The following PEBP4 variants were observed in gnomAD, a reference collection of about 807,000 sequenced individuals.
PEBP4 encodes phosphatidylethanolamine-binding protein 4.
Under a neutral mutation model 23.9 loss-of-function variants are expected in PEBP4, and 22 were observed. The observed-to-expected ratio is 0.92, with a 90% CI of 0.66 to 1.31. The LOEUF is 1.31. PEBP4 is among the 40% of genes most tolerant of loss of function. The pLI, the probability that PEBP4 is intolerant of heterozygous loss-of-function variation, is 0.00. For missense variants in PEBP4, 324 were observed against 281.7 expected (o/e 1.15, Z -1.07); for synonymous variants, 112 against 99.3 (o/e 1.13, Z -0.76).
At chr8:22,742,771 C>T (rs1485026361) in intron 4 of PEBP4, among the ~76,000 whole-genome samples, 3 of 152,132 alleles carry the variant, frequency 2.0e-5, no homozygotes, top group Non-Finnish European at 4.4e-5. Context: ...GAGAGAGTCC[C>T]CTTTTTCCAC....
rs374712837 is a variant in PEBP4 at position 22,940,796 on chromosome 8, C to T, written c.145-13076G>A. ...GAGCCACCACGGCCAGCCTTTACCA[C>T]GAATTTCTAATAGCTCCCTAGGCCA... is the stretch of plus-strand genomic sequence containing the variant. On this transcript the variant is annotated intron_variant, in intron 1 of 1. Transcript: ENST00000522278. Among the ~76,000 whole-genome samples, 257 of 152,280 alleles carry T rather than the reference C, an allele frequency of 1.7e-3. 1 individual carries two copies. Among genetic ancestry groups the T allele is most frequent in the African/African-American group, 6.0e-3 (248 of 41,562 alleles).
intron 1 of PEBP4, among the ~76,000 whole-genome samples, chr8:22,940,206 T>G (rs901020322): frequency 6.6e-6 from 1 of 152,192 alleles, no homozygotes; most frequent in African/African-American, 2.4e-5. Flanking sequence ...TCCTTCTTCC[T>G]ATATCATGGA....
At chr8:22,826,965 T>C (rs750839068) in intron 3 of PEBP4, among the ~76,000 whole-genome samples, 86 of 152,366 alleles carry the variant, frequency 5.6e-4, no homozygotes, top group Non-Finnish European at 7.2e-4. Flanking sequence ...CATCAGTCTC[T>C]AGTTCTCTTT....
At chr8:22,798,147 A>T (rs1315551105) in intron 4 of PEBP4, among the ~76,000 whole-genome samples, 1 of 152,178 alleles carries the variant, frequency 6.6e-6, no homozygotes, top group Non-Finnish European at 1.5e-5. Context: ...AAAAAAGAAC[A>T]GCACTCAGAT....
intron 4 of PEBP4, among the ~76,000 whole-genome samples, chr8:22,764,893 G>A (rs764597757): frequency 3.3e-5 from 5 of 152,102 alleles, no homozygotes; most frequent in Non-Finnish European, 2.9e-5. Flanking sequence ...TGGGCATGGA[G>A]GTTGCAATCC....
chr8:22,905,300 C>G (rs6557598), intron 3 of PEBP4, among the ~76,000 whole-genome samples: 35,153 of 150,334 alleles, frequency 0.23, 4,147 homozygotes, highest in African/African-American at 0.28. Flanking sequence ...AAAAAATAGG[C>G]TATTCATCTT....
At chr8:22,905,707 C>T (rs1245649132) in intron 3 of PEBP4, among the ~76,000 whole-genome samples, 13 of 152,192 alleles carry the variant, frequency 8.5e-5, no homozygotes, top group South Asian at 2.1e-4. Flanking sequence ...GCCAAGGAGA[C>T]GCAGGACCTG....
chr8:22,896,798 C>T (rs1452651965), intron 3 of PEBP4, among the ~76,000 whole-genome samples: 1 of 152,050 alleles, frequency 6.6e-6, no homozygotes, highest in African/African-American at 2.4e-5. Context: ...CCTTAAAATC[C>T]ACAGTTAGTG....
chr8:22,928,862 G>T (rs186770878), upstream of PEBP4, among the ~76,000 whole-genome samples: 2 of 152,164 alleles, frequency 1.3e-5, no homozygotes, highest in Non-Finnish European at 2.9e-5. Flanking sequence ...TAAAGTACAC[G>T]CAGCTAGACC....
chr8:22,927,632 C>T lies in PEBP4; in HGVS notation c.83G>A (p.Ser28Asn). 2 of 1,614,036 alleles carry T rather than the reference C, an allele frequency of 1.2e-6. No homozygotes were observed. The highest frequency in any genetic ancestry group is 1.1e-5 in the South Asian group (1 of 91,050). Reference sequence around the variant, plus strand: ...CAAGAGGGCCTCATGGGCACACGGGCTGTTCTCATCCTCGTCTCCAGTGAC... The same window carrying T: ...CAAGAGGGCCTCATGGGCACACGGGTTGTTCTCATCCTCGTCTCCAGTGAC... ...MVVTGDEDEN[S>N]PCAHEALLDE... is the part of the protein sequence containing the mutation. Residue 28 changes from serine (S) to asparagine (N), a missense_variant, in exon 2 of 7, where the codon AGC (serine) becomes AAC (asparagine). Coordinates refer to ENST00000256404, the MANE Select transcript of PEBP4 (RefSeq NM_144962.3).
At chr8:22,919,797 C>A (rs1335016741) in intron 3 of PEBP4, among the ~76,000 whole-genome samples, 1 of 152,190 alleles carries the variant, frequency 6.6e-6, no homozygotes, top group African/African-American at 2.4e-5. Flanking sequence ...GCACCCCGCG[C>A]CTTGAGAGAG....
At chr8:22,812,391 T>A (rs1283194216) in intron 4 of PEBP4, among the ~76,000 whole-genome samples, 1 of 152,232 alleles carries the variant, frequency 6.6e-6, no homozygotes, top group Non-Finnish European at 1.5e-5. Flanking sequence ...GCTCTTTCCC[T>A]TTCCCTTCAG....
chr8:22,744,494 C>T (rs1346236443), intron 4 of PEBP4: 3 of 152,274 alleles, frequency 2.0e-5, no homozygotes, highest in African/African-American at 7.2e-5. Context: ...TCCAGGCCAT[C>T]TGCCGAAAAT....
At chr8:22,765,667 A>G (rs1350333443) in intron 4 of PEBP4, among the ~76,000 whole-genome samples, 1 of 152,256 alleles carries the variant, frequency 6.6e-6, no homozygotes, top group East Asian at 1.9e-4. Context: ...CTCCAGGATA[A>G]CATACTGTGT....
intron 4 of PEBP4, among the ~76,000 whole-genome samples, chr8:22,768,439 C>G (rs1036948242): frequency 6.6e-6 from 1 of 152,152 alleles, no homozygotes; most frequent in African/African-American, 2.4e-5. Flanking sequence ...CTCACGCGAG[C>G]CCCCCACGAC....
chr8:22,760,571 A>AG (rs886874849), intron 4 of PEBP4, among the ~76,000 whole-genome samples: 3 of 150,150 alleles, frequency 2.0e-5, no homozygotes, highest in African/African-American at 5.0e-5. Flanking sequence ...GGAGGATGGC[A>AG]GGGGGGGCAG....
chr8:22,864,315 G>A (rs1191732422), intron 3 of PEBP4, among the ~76,000 whole-genome samples: 1 of 152,062 alleles, frequency 6.6e-6, no homozygotes, highest in African/African-American at 2.4e-5. Flanking sequence ...AACATTCTCG[G>A]CAGAAACAGC....
Position 22,865,245 on chromosome 8 carries a change from GT to G in PEBP4, c.259-47511del, listed in dbSNP as rs942035597. 1.3e-5 allele frequency among the ~76,000 whole-genome samples: 2 copies of G among 152,150 alleles called. No individual in the cohort carries two copies. The highest frequency in any genetic ancestry group is 2.9e-5 in the Non-Finnish European group (2 of 68,012). On this transcript the variant is annotated intron_variant, in intron 3 of 6. Coordinates refer to ENST00000256404, the MANE Select transcript of PEBP4 (RefSeq NM_144962.3). This position sits in a 1 kb window ranked among gnomAD's most constrained non-coding sequence, Gnocchi z 6.9. The stretch of plus-strand genomic sequence containing the variant: ...GGGCGGCGGGAGGGGGAGGGAAGGT[GT>G]TTTTGCGAAAATGACAAAACAACTC...
At chr8:22,877,029 A>G (rs747040339) in intron 3 of PEBP4, among the ~76,000 whole-genome samples, 9 of 152,198 alleles carry the variant, frequency 5.9e-5, no homozygotes, top group Non-Finnish European at 1.3e-4. Context: ...AGCACTCCAT[A>G]TATATTAGCT....
Sources: allele counts gnomAD v4.1 joint callset (sites outside exome capture counted in the v4.1 genomes callset), GRCh38; gene constraint gnomAD v4.1.1; non-coding constraint Gnocchi (gnomAD v3.1); transcripts MANE v1.5; gene names NCBI Gene and HGNC (gene_info 2026-07-23, HGNC 2026-07-21).